The following TENM4 variants were observed in gnomAD, a reference collection of about 807,000 sequenced individuals.
The protein encoded by TENM4 is teneurin-4.
In TENM4, 82 loss-of-function variants were observed where a neutral mutation model predicts 243.3. That is an observed-to-expected ratio of 0.34 (90% CI 0.28 to 0.40). The LOEUF (loss-of-function observed/expected upper bound fraction) is 0.40. Among genes scored for constraint, TENM4 ranks in the 10% least tolerant of loss-of-function variants. The pLI is 1.00. For synonymous variants in TENM4, 1,412 were observed against 1,456.3 expected (o/e 0.97, Z 0.69); for missense variants, 3,138 against 3,673.3 (o/e 0.85, Z 3.77).
intron 1 of TENM4, among the ~76,000 whole-genome samples, chr11:79,371,976 G>C (rs1857796975): frequency 6.6e-6 from 1 of 152,276 alleles, no homozygotes; most frequent in South Asian, 2.1e-4. Flanking sequence ...CTGAGGAAGA[G>C]AGCCCAAGGT....
intron 6 of TENM4, among the ~76,000 whole-genome samples, chr11:78,927,945 G>C (rs1856586265): frequency 6.6e-6 from 1 of 151,966 alleles, no homozygotes; most frequent in Non-Finnish European, 1.5e-5. Flanking sequence ...ACAGCCCAAG[G>C]GTATGTTGTA....
At chr11:79,320,344 C>T (rs1054237864) in intron 1 of TENM4, among the ~76,000 whole-genome samples, 5 of 152,146 alleles carry the variant, frequency 3.3e-5, no homozygotes, top group Non-Finnish European at 5.9e-5. Flanking sequence ...GCTCCTGTTG[C>T]GACAAACACA....
chr11:78,785,640 C>T (rs1397543857), intron 16 of TENM4, among the ~76,000 whole-genome samples: 1 of 152,074 alleles, frequency 6.6e-6, no homozygotes, highest in East Asian at 1.9e-4. Context: ...CAGCTCTCGG[C>T]ACGTTGTGAA....
intron 4 of TENM4, among the ~76,000 whole-genome samples, chr11:79,087,725 G>GT (rs1860842575): frequency 6.6e-6 from 1 of 152,238 alleles, no homozygotes; most frequent in Admixed American, 6.5e-5. Flanking sequence ...ACTGTACAGA[G>GT]GTGACATTCT....
chr11:79,256,191 C>T (rs185104809), intron 2 of TENM4, among the ~76,000 whole-genome samples: 3 of 152,330 alleles, frequency 2.0e-5, no homozygotes, highest in Non-Finnish European at 4.4e-5. Flanking sequence ...GTAGCCATAG[C>T]TCTCAGTAAC....
chr11:79,272,635 C>T (rs1444905867), intron 2 of TENM4, among the ~76,000 whole-genome samples: 1 of 152,014 alleles, frequency 6.6e-6, no homozygotes, highest in Non-Finnish European at 1.5e-5. Flanking sequence ...TCAGTTTCTC[C>T]AACCAAGCCA....
At chr11:79,031,131 G>C (rs545697452) in intron 6 of TENM4, among the ~76,000 whole-genome samples, 17 of 152,202 alleles carry the variant, frequency 1.1e-4, no homozygotes, top group Non-Finnish European at 2.5e-4. Context: ...CTGACATGGA[G>C]GAGGGGCTCA....
At chr11:79,437,387 C>G (rs933744772) in intron 1 of TENM4, among the ~76,000 whole-genome samples, 3 of 152,210 alleles carry the variant, frequency 2.0e-5, no homozygotes, top group Non-Finnish European at 4.4e-5. Context: ...TGTGAGTCCG[C>G]AGGAACGCGG....
intron 19 of TENM4, among the ~76,000 whole-genome samples, chr11:78,742,718 G>A (rs569906705): frequency 6.6e-6 from 1 of 152,300 alleles, no homozygotes; most frequent in South Asian, 2.1e-4. Flanking sequence ...CCTTGCCGAC[G>A]CCAACAAGGG....
chr11:78,653,984 T>G lies in TENM4; in HGVS notation c.*4074A>C, dbSNP rs1857831531. 2 of 152,318 alleles carry G rather than the reference T, an allele frequency of 1.3e-5. No individual in the cohort carries two copies. The highest frequency in any genetic ancestry group is 4.1e-4 in the South Asian group (2 of 4,824). The allele number at this position is 152,318 out of a possible 1,614,324, so 9.4% of individuals were successfully genotyped here. A position where few individuals can be genotyped will look rare whatever the true frequency, so the allele number is the denominator to read the frequency against. On this transcript the variant is annotated 3_prime_UTR_variant, in exon 34 of 34. Coordinates refer to ENST00000278550, the MANE Select transcript of TENM4 (RefSeq NM_001098816.3). The stretch of plus-strand genomic sequence containing the variant: ...CTCAGCAATGAGTCTTTAAAATGAG[T>G]TTGCTGTTTTTGGAAGGTTAAATGA...
At chr11:79,055,214 T>A (rs952249577) in intron 6 of TENM4, among the ~76,000 whole-genome samples, 4 of 152,030 alleles carry the variant, frequency 2.6e-5, no homozygotes, top group Admixed American at 6.6e-5. Flanking sequence ...TCTGCTTCTC[T>A]CTATTCTATC....
chr11:78,892,464 C>G (rs1201919012), intron 7 of TENM4, among the ~76,000 whole-genome samples: 1 of 152,206 alleles, frequency 6.6e-6, no homozygotes, highest in Non-Finnish European at 1.5e-5. Context: ...ATTCAAGACC[C>G]TTTTATGCCA....
At chr11:79,066,724 A>ACG (rs1339698335) in intron 5 of TENM4, among the ~76,000 whole-genome samples, 2 of 132,506 alleles carry the variant, frequency 1.5e-5, no homozygotes, top group African/African-American at 5.8e-5. Context: ...ACACTCGAGC[A>ACG]CACACGCGCA....
At chr11:78,948,749 A>T (rs1435372786) in intron 6 of TENM4, among the ~76,000 whole-genome samples, 1 of 152,194 alleles carries the variant, frequency 6.6e-6, no homozygotes, top group South Asian at 2.1e-4. Flanking sequence ...TGATTTCTTT[A>T]GTCTCTTTTA....
intron 1 of TENM4, among the ~76,000 whole-genome samples, chr11:79,299,158 A>G (rs1289944586): frequency 1.3e-5 from 2 of 152,294 alleles, no homozygotes; most frequent in East Asian, 3.9e-4. Flanking sequence ...GCGCTCATCC[A>G]TGTACTATGC....
intron 2 of TENM4, among the ~76,000 whole-genome samples, chr11:79,268,326 AAAACTTTGTTT>A (rs1855913677): frequency 6.6e-6 from 1 of 152,254 alleles, no homozygotes; most frequent in African/African-American, 2.4e-5. Flanking sequence ...GTGTTTCAGT[AAAACTTTGTTT>A]ACAAAACAGG....
intron 4 of TENM4, among the ~76,000 whole-genome samples, chr11:79,092,184 T>G (rs773725926): frequency 2.0e-5 from 3 of 152,204 alleles, no homozygotes; most frequent in Non-Finnish European, 4.4e-5. Context: ...GCACTGGGGA[T>G]GCAGATGGGA....
Position 78,676,253 on chromosome 11 carries a change from T to G in TENM4, c.5395A>C (p.Asn1799His), listed in dbSNP as rs200327703. Residue 1799 changes from asparagine to histidine, a missense_variant, in exon 30 of 34, where the codon AAT becomes CAT. Around this residue, in one of 2 missense-constraint regions of TENM4, gnomAD observed 2,467 missense variants for 3,059.1 expected, o/e 0.81. Coordinates refer to ENST00000278550, the MANE Select transcript of TENM4 (RefSeq NM_001098816.3). ...CCGTTGTCGATGGGCAGCGTGACATTCCTCTTGCCCACGGTGGGGTTGACG... is the reference window on the plus strand; with the variant it reads ...CCGTTGTCGATGGGCAGCGTGACATGCCTCTTGCCCACGGTGGGGTTGACG... ...GTVNPTVGKR[N>H]VTLPIDNGLN... The G allele has an allele frequency of 1.0e-3, 1,643 of 1,611,724 alleles. 2 individuals carry two copies. Among genetic ancestry groups the G allele is most frequent in the Non-Finnish European group, 1.3e-3 (1,520 of 1,178,344 alleles).
At chr11:79,176,425 C>T (rs1000892982) in intron 3 of TENM4, among the ~76,000 whole-genome samples, 10 of 152,178 alleles carry the variant, frequency 6.6e-5, no homozygotes, top group African/African-American at 2.4e-4. Context: ...TGTTCTATCT[C>T]CTGAACACTT....
Sources: allele counts gnomAD v4.1 joint callset (sites outside exome capture counted in the v4.1 genomes callset), GRCh38; gene constraint gnomAD v4.1.1; regional missense constraint gnomAD v4.1.1; transcripts MANE v1.5; gene names NCBI Gene and HGNC (gene_info 2026-07-23, HGNC 2026-07-21).